MNAT1: variants seen among roughly 807,000 people sequenced by gnomAD.
The protein encoded by MNAT1 is CDK-activating kinase assembly factor MAT1.
Under a neutral mutation model 42.0 loss-of-function variants are expected in MNAT1, and 43 were observed. That is an observed-to-expected ratio of 1.02 (90% CI 0.80 to 1.32). MNAT1 has a LOEUF of 1.32. MNAT1 is among the 40% of genes most tolerant of loss of function. MNAT1 has a pLI of 0.00. For missense variants in MNAT1, 306 were observed against 350.4 expected (o/e 0.87, Z 1.01); for synonymous variants, 118 against 120.0 (o/e 0.98, Z 0.11).
intron 7 of MNAT1, among the ~76,000 whole-genome samples, chr14:60,914,040 C>T (rs530276773): frequency 6.6e-6 from 1 of 152,236 alleles, no homozygotes; most frequent in African/African-American, 2.4e-5. Flanking sequence ...GCCCCTCCCC[C>T]AGCCTCGCTG....
chr14:60,952,680 T>G (rs1342118319), intron 7 of MNAT1, among the ~76,000 whole-genome samples: 1 of 152,112 alleles, frequency 6.6e-6, no homozygotes, highest in South Asian at 2.1e-4. Flanking sequence ...TATGAAAATA[T>G]TATCTTTGTA....
intron 7 of MNAT1, among the ~76,000 whole-genome samples, chr14:60,922,290 C>T (rs1204360073): frequency 1.3e-5 from 2 of 152,012 alleles, no homozygotes; most frequent in African/African-American, 2.4e-5. Context: ...TTCTATTGCT[C>T]ATGATGTAAA....
At chr14:60,936,178 A>C (rs950760389) in intron 7 of MNAT1, among the ~76,000 whole-genome samples, 2 of 152,092 alleles carry the variant, frequency 1.3e-5, no homozygotes, top group Admixed American at 6.5e-5. Context: ...ATCTGATGTA[A>C]ACACTTGTGG....
chr14:60,958,874 C>T (rs541806375), intron 7 of MNAT1, among the ~76,000 whole-genome samples: 18 of 152,072 alleles, frequency 1.2e-4, no homozygotes, highest in African/African-American at 3.4e-4. Flanking sequence ...CTCCTGACCT[C>T]GTGATCTGCC....
At position 60,734,790 on chromosome 14, in the gene MNAT1, C is replaced by A; in HGVS notation, c.-73C>A. The A allele has an allele frequency of 7.0e-7, 1 of 1,419,718 alleles. No individual in the cohort carries two copies. The highest frequency in any genetic ancestry group is 9.9e-7 in the Non-Finnish European group (1 of 1,007,942). The allele number at this position is 1,419,718 out of a possible 1,614,324, so 87.9% of individuals were successfully genotyped here. A position where few individuals can be genotyped will look rare whatever the true frequency, so the allele number is the denominator to read the frequency against. ...GCCTGTTGGTAGGAACCTGCTTGGT[C>A]GCGTCTGAGGGGGCTTGTAGGTGGC... is the stretch of plus-strand genomic sequence containing the variant. On this transcript the variant is annotated 5_prime_UTR_variant, in exon 1 of 8. Coordinates refer to ENST00000261245, the MANE Select transcript of MNAT1 (RefSeq NM_002431.4). This position sits in a 1 kb window ranked among gnomAD's most constrained non-coding sequence, Gnocchi z 4.3.
intron 7 of MNAT1, among the ~76,000 whole-genome samples, chr14:60,895,488 C>A (rs1438395235): frequency 6.6e-6 from 1 of 152,208 alleles, no homozygotes; most frequent in Non-Finnish European, 1.5e-5. Flanking sequence ...CTCCAGTTAT[C>A]CCTTTACAAT....
intron 7 of MNAT1, among the ~76,000 whole-genome samples, chr14:60,883,050 G>A (rs773214803): frequency 4.0e-5 from 6 of 151,760 alleles, no homozygotes; most frequent in African/African-American, 1.5e-4. Flanking sequence ...TTTGTTCATC[G>A]ATTTCTTCGC....
At chr14:60,862,608 T>C (rs193012980) in intron 6 of MNAT1, among the ~76,000 whole-genome samples, 4 of 152,288 alleles carry the variant, frequency 2.6e-5, no homozygotes, top group Admixed American at 6.5e-5. Flanking sequence ...GCATGTACAG[T>C]TGAATGAAAG....
intron 7 of MNAT1, among the ~76,000 whole-genome samples, chr14:60,930,731 G>A (rs2035867129): frequency 6.6e-6 from 1 of 152,152 alleles, no homozygotes; most frequent in African/African-American, 2.4e-5. Context: ...AGGGTGCCTT[G>A]AGGGAAATGT....
chr14:60,745,912 G>T (rs1896598636), intron 1 of MNAT1, among the ~76,000 whole-genome samples: 1 of 152,170 alleles, frequency 6.6e-6, no homozygotes, highest in Non-Finnish European at 1.5e-5. Flanking sequence ...GCAGAACAGC[G>T]CTTAGAGAAT....
At chr14:60,829,737 G>A (rs1435147682) in intron 6 of MNAT1, among the ~76,000 whole-genome samples, 1 of 152,158 alleles carries the variant, frequency 6.6e-6, no homozygotes, top group East Asian at 1.9e-4. Context: ...AAAGGTGCTT[G>A]CAAATGCAGA....
intron 7 of MNAT1, among the ~76,000 whole-genome samples, chr14:60,937,408 G>T (rs542228611): frequency 6.6e-6 from 1 of 152,148 alleles, no homozygotes; most frequent in South Asian, 2.1e-4. Flanking sequence ...TTAGTATAAG[G>T]TGTAAGGAAG....
intron 6 of MNAT1, among the ~76,000 whole-genome samples, chr14:60,830,976 TC>T (rs2033197246): frequency 1.3e-5 from 2 of 152,112 alleles, no homozygotes; most frequent in Admixed American, 1.3e-4. Context: ...GTGCCGTGCC[TC>T]CTGTTAACAT....
At chr14:60,904,451 T>C (rs1242559975) in intron 7 of MNAT1, among the ~76,000 whole-genome samples, 1 of 152,238 alleles carries the variant, frequency 6.6e-6, no homozygotes, top group Non-Finnish European at 1.5e-5. Flanking sequence ...GTGCTTAAAA[T>C]TCTAACCTGG....
chr14:60,956,780 C>T (rs146588719), intron 7 of MNAT1, among the ~76,000 whole-genome samples: 62 of 152,242 alleles, frequency 4.1e-4, no homozygotes, highest in African/African-American at 1.1e-3. Flanking sequence ...GATGGTTTGA[C>T]TTAACATCTG....
At chr14:60,880,984 C>T (rs1237791722) in intron 7 of MNAT1, among the ~76,000 whole-genome samples, 1 of 152,138 alleles carries the variant, frequency 6.6e-6, no homozygotes. Context: ...TATTTCTTAT[C>T]TCTTACAAAG....
intron 6 of MNAT1, among the ~76,000 whole-genome samples, chr14:60,842,682 A>G: frequency 6.6e-6 from 1 of 152,162 alleles, no homozygotes; most frequent in East Asian, 1.9e-4. Flanking sequence ...GTTGCTTTAT[A>G]TTGCTATGTA....
In MNAT1 at chr14:60,915,478, C is replaced by T. The variant is rs553173011; in HGVS notation, c.809+35643C>T. On this transcript the variant is annotated intron_variant, in intron 7 of 7. Transcript: ENST00000261245. ...TTGCCATGTTTTTGGTGTCTCTTCACATTTTTCCTTTGGCTTTAATCAGCA... is the reference window on the plus strand; with the variant it reads ...TTGCCATGTTTTTGGTGTCTCTTCATATTTTTCCTTTGGCTTTAATCAGCA... 5.9e-5 allele frequency among the ~76,000 whole-genome samples: 9 copies of T among 152,314 alleles called. No individual in the cohort carries two copies. In the East Asian group the frequency reaches 1.3e-3, roughly 23 times the overall value.
At chr14:60,872,411 C>G (rs2034345378) in intron 6 of MNAT1, among the ~76,000 whole-genome samples, 1 of 152,148 alleles carries the variant, frequency 6.6e-6, no homozygotes, top group Non-Finnish European at 1.5e-5. Flanking sequence ...CTTTCCCTTT[C>G]CTAGTTTTCC....
Sources: gnomAD v4.1 joint callset for allele counts (sites outside exome capture counted in the v4.1 genomes callset) on GRCh38, gnomAD v4.1.1 for gene constraint, Gnocchi (gnomAD v3.1) non-coding constraint, MANE v1.5 for transcripts, NCBI Gene and HGNC (gene_info 2026-07-23, HGNC 2026-07-21) for gene names.